Variants in DYNC2H1 observed in about 807,000 individuals in gnomAD.
The protein encoded by DYNC2H1 is cytoplasmic dynein 2 heavy chain 1.
In DYNC2H1, 410 loss-of-function variants were observed where a neutral mutation model predicts 570.0. That is an observed-to-expected ratio of 0.72 (90% CI 0.66 to 0.78). The LOEUF (loss-of-function observed/expected upper bound fraction) is 0.78. Among genes scored for constraint, DYNC2H1 ranks in the 30% least tolerant of loss-of-function variants. The pLI is 0.00. For missense variants in DYNC2H1, 4,865 were observed against 5,046.4 expected, an observed-to-expected ratio of 0.96 and a Z score of 1.09; for synonymous variants, 1,688 against 1,677.6, an observed-to-expected ratio of 1.01 and a Z score of -0.15.
intron 83 of DYNC2H1, among the ~76,000 whole-genome samples, chr11:103,392,766 G>GA (rs367942270): frequency 2.2e-3 from 320 of 143,528 alleles, no homozygotes; most frequent in African/African-American, 6.6e-3. Context: ...GTCAATTTTG[G>GA]AAAAAAAAAA....
intron 85 of DYNC2H1, among the ~76,000 whole-genome samples, chr11:103,444,979 C>T (rs925504785): frequency 9.9e-5 from 15 of 152,146 alleles, no homozygotes; most frequent in Middle Eastern, 6.8e-3. Context: ...AAGGTGATTC[C>T]GCTGGTATAT....
chr11:103,341,551 G>T (rs1245808921), intron 82 of DYNC2H1, among the ~76,000 whole-genome samples: 2 of 152,058 alleles, frequency 1.3e-5, no homozygotes, highest in African/African-American at 4.8e-5. Flanking sequence ...CTCAAAGTGG[G>T]GCTCTGGAAT....
intron 83 of DYNC2H1, among the ~76,000 whole-genome samples, chr11:103,394,280 C>G (rs368102112): frequency 7.2e-5 from 11 of 152,068 alleles, no homozygotes; most frequent in African/African-American, 2.4e-4. Flanking sequence ...AAAAGGAATA[C>G]GGATCTCCGA....
At chr11:103,467,684 C>A (rs1054601556) in intron 87 of DYNC2H1, among the ~76,000 whole-genome samples, 1 of 152,074 alleles carries the variant, frequency 6.6e-6, no homozygotes, top group Non-Finnish European at 1.5e-5. Context: ...ACTACAGGTG[C>A]CCGCCACCAC....
At chr11:103,123,125 T>G (rs1858806698) in intron 11 of DYNC2H1, 125 bp downstream of exon 11, 3 of 751,948 alleles carry the variant, frequency 4.0e-6, no homozygotes. Flanking sequence ...TTTTTTTTGT[T>G]GTTTGTTTTT....
intron 1 of DYNC2H1, among the ~76,000 whole-genome samples, chr11:103,111,046 G>A (rs1363165071): frequency 2.6e-5 from 4 of 152,074 alleles, no homozygotes; most frequent in Admixed American, 6.5e-5. Context: ...GGCTGGTCTC[G>A]AACTCCTGAC....
At position 103,148,235 on chromosome 11, in the gene DYNC2H1, A is replaced by C. The variant is rs149502315; in HGVS notation, c.2819-255A>C. Among the ~76,000 whole-genome samples, 26 of 152,332 alleles carry C rather than the reference A, an allele frequency of 1.7e-4. No individual in the cohort carries two copies. The East Asian group carries it at 4.8e-3, about 28-fold the overall frequency. On this transcript the variant is annotated intron_variant, in intron 19 of 88. Transcript: ENST00000375735. The stretch of plus-strand genomic sequence containing the variant: ...GTTTTAGTATGTTGTATAAAAGACG[A>C]AAAATGCAGTAATGCATTTTAAGCT...
At chr11:103,279,908 AAATTAATCTATCTAG>A (rs1866063887) in intron 70 of DYNC2H1, among the ~76,000 whole-genome samples, 1 of 152,156 alleles carries the variant, frequency 6.6e-6, no homozygotes, top group Admixed American at 6.6e-5. Context: ...TTGATTTAGG[AAATTAATCTATCTAG>A]TAAGGAGAAA....
At chr11:103,287,420 A>C in intron 74 of DYNC2H1, 113 bp from the exon 75 acceptor site, 1 of 811,022 alleles carries the variant, frequency 1.2e-6, no homozygotes, top group Non-Finnish European at 2.0e-6. Context: ...GAACAATGAT[A>C]AGTGTTCCCA....
intron 61 of DYNC2H1, among the ~76,000 whole-genome samples, chr11:103,234,780 T>C (rs749382313): frequency 3.3e-5 from 5 of 151,962 alleles, no homozygotes; most frequent in East Asian, 1.9e-4. Flanking sequence ...TTTCCAACTA[T>C]ACATTAGACA....
At chr11:103,137,774 G>T (rs1859657728) in intron 17 of DYNC2H1, among the ~76,000 whole-genome samples, 3 of 152,188 alleles carry the variant, frequency 2.0e-5, no homozygotes, top group Admixed American at 1.3e-4. Context: ...AAAGTCACTG[G>T]TAGCTTGATG....
intron 84 of DYNC2H1, among the ~76,000 whole-genome samples, chr11:103,408,730 C>T (rs11225776): frequency 0.51 from 77,255 of 151,362 alleles, 19,982 homozygotes; most frequent in African/African-American, 0.62. Context: ...AATAGGATTA[C>T]ACTGTTATCC....
At chr11:103,331,879 G>A (rs1938814990) in intron 82 of DYNC2H1, among the ~76,000 whole-genome samples, 1 of 152,096 alleles carries the variant, frequency 6.6e-6, no homozygotes, top group Non-Finnish European at 1.5e-5. Flanking sequence ...GGCTAACACG[G>A]TGAAAGCCGG....
At chr11:103,316,820 C>T (rs2135428258) in intron 80 of DYNC2H1, among the ~76,000 whole-genome samples, 200 bp downstream of exon 80, 1 of 151,120 alleles carries the variant, frequency 6.6e-6, no homozygotes, top group East Asian at 2.0e-4. Context: ...ATTCTTCTTT[C>T]TGGGAGCAGA....
intron 29 of DYNC2H1, among the ~76,000 whole-genome samples, 200 bp downstream of exon 29, chr11:103,161,244 T>A (rs1032751989): frequency 6.6e-6 from 1 of 152,106 alleles, no homozygotes; most frequent in African/African-American, 2.4e-5. Flanking sequence ...TTGTAGTCTT[T>A]GGAAGGCAGC....
At chr11:103,166,990 C>CTTTTTTTTTTTTTTTTTTTTT (rs34816989) in intron 31 of DYNC2H1, among the ~76,000 whole-genome samples, 30 of 56,984 alleles carry the variant, frequency 5.3e-4, no homozygotes, top group African/African-American at 7.8e-4. Flanking sequence ...GAGGCGCTGC[C>CTTTTTTTTTTTTTTTTTTTTT]TTTTTTTTTT....
At chr11:103,353,722 T>A (rs1352166418) in intron 82 of DYNC2H1, among the ~76,000 whole-genome samples, 2 of 152,192 alleles carry the variant, frequency 1.3e-5, no homozygotes, top group Non-Finnish European at 1.5e-5. Context: ...TTGAATGTCC[T>A]TATGTTTTAG....
At chr11:103,187,795 A>T (rs1276448645) in intron 43 of DYNC2H1, among the ~76,000 whole-genome samples, 1 of 152,110 alleles carries the variant, frequency 6.6e-6, no homozygotes, top group Non-Finnish European at 1.5e-5. Context: ...ATAATACATG[A>T]CAGGGAGAAT....
At position 103,439,817 on chromosome 11, in the gene DYNC2H1, T is replaced by G. The variant is rs1442906771; in HGVS notation, c.12456+3785T>G. Among the ~76,000 whole-genome samples, 2 of 152,172 alleles carry G rather than the reference T, an allele frequency of 1.3e-5. No individual in the cohort carries two copies. Among genetic ancestry groups the G allele is most frequent in the Admixed American group, 1.3e-4 (2 of 15,270 alleles). ...ATGAACAAAGGAATTAACAAATGAA[T>G]GGACTGGACAGATTACTCTCTTTGG... On this transcript the variant is annotated intron_variant, in intron 85 of 88. Transcript: ENST00000375735. This position sits in a 1 kb window ranked among gnomAD's most constrained non-coding sequence, Gnocchi z 4.1.
Sources: gnomAD v4.1 joint callset for allele counts (sites outside exome capture counted in the v4.1 genomes callset) on GRCh38, gnomAD v4.1.1 for gene constraint, Gnocchi (gnomAD v3.1) non-coding constraint, MANE v1.5 for transcripts, NCBI Gene and HGNC (gene_info 2026-07-23, HGNC 2026-07-21) for gene names.